The following MACF1 variants were observed in gnomAD, a reference collection of about 807,000 sequenced individuals.
The protein encoded by MACF1 is microtubule-actin cross-linking factor 1.
In MACF1, 193 loss-of-function variants were observed where a neutral mutation model predicts 854.8. The ratio of observed to expected loss-of-function variants is 0.23; its 90% confidence interval spans 0.20 to 0.25. The LOEUF (loss-of-function observed/expected upper bound fraction) is 0.25. Among genes scored for constraint, MACF1 ranks in the 10% least tolerant of loss-of-function variants. The pLI is 1.00. For synonymous variants in MACF1, 3,185 were observed against 3,226.7 expected, an observed-to-expected ratio of 0.99 and a Z score of 0.44; for missense variants, 7,722 against 8,929.1, an observed-to-expected ratio of 0.86 and a Z score of 5.45.
intron 23 of MACF1, 105 bp downstream of exon 23, chr1:39,303,183 A>C: frequency 7.5e-7 from 1 of 1,331,108 alleles, no homozygotes; most frequent in Non-Finnish European, 1.0e-6. Context: ...CACAGTGGTA[A>C]AGTTCCTCCT....
At chr1:39,224,344 T>C (rs1644688406) in intron 1 of MACF1, among the ~76,000 whole-genome samples, 1 of 152,002 alleles carries the variant, frequency 6.6e-6, no homozygotes, top group African/African-American at 2.4e-5. Flanking sequence ...ATGAGTAATG[T>C]TTAAGGGATG....
chr1:39,346,588 C>T (rs1203711203), intron 40 of MACF1, among the ~76,000 whole-genome samples: 2 of 149,130 alleles, frequency 1.3e-5, no homozygotes, highest in East Asian at 2.0e-4. Context: ...AGTGCAGTCT[C>T]GGCTCACCGC....
chr1:39,233,812 G>T (rs879559335), intron 2 of MACF1, among the ~76,000 whole-genome samples: 2,948 of 27,282 alleles, frequency 0.11, 166 homozygotes, highest in Non-Finnish European at 0.19. Context: ...ATTTTTTATT[G>T]ATAATTCTTG....
intron 47 of MACF1, among the ~76,000 whole-genome samples, chr1:39,360,012 A>T (rs11588692): frequency 9.4e-3 from 263 of 28,036 alleles, no homozygotes; most frequent in Non-Finnish European, 0.013. Context: ...AAAAAAAAAA[A>T]ATATATATAT....
chr1:39,127,977 A>C (rs886506152), intron 2 of MACF1, among the ~76,000 whole-genome samples: 6 of 152,234 alleles, frequency 3.9e-5, no homozygotes, highest in Admixed American at 3.3e-4. Flanking sequence ...AATTACAAAG[A>C]AAAAAGTAAA....
intron 63 of MACF1, 26 bp from the exon 64 acceptor site, chr1:39,429,216 G>A (rs1570042158): frequency 4.1e-6 from 5 of 1,206,962 alleles, no homozygotes; most frequent in Non-Finnish European, 4.9e-6. Context: ...CACAGTTTCA[G>A]GATTAATGGT....
intron 6 of MACF1, among the ~76,000 whole-genome samples, chr1:39,278,383 T>A (rs1282810562): frequency 6.6e-6 from 1 of 152,202 alleles, no homozygotes; most frequent in Non-Finnish European, 1.5e-5. Context: ...CCCTTAGGGA[T>A]CCAAACATCT....
chr1:39,411,235 G>A, intron 58 of MACF1: 2 of 1,613,902 alleles, frequency 1.2e-6, no homozygotes, highest in East Asian at 4.5e-5. Context: ...GTTTGAGGAG[G>A]ATGAGCGATG....
At chr1:39,092,986 A>T (rs1442936974) in intron 2 of MACF1, among the ~76,000 whole-genome samples, 1 of 152,022 alleles carries the variant, frequency 6.6e-6, no homozygotes, top group Non-Finnish European at 1.5e-5. Flanking sequence ...GGGTTTCACC[A>T]TCTTGGCCAG....
intron 58 of MACF1, chr1:39,413,849 C>A: frequency 6.2e-7 from 1 of 1,611,050 alleles, no homozygotes. Context: ...CTGGAGGAAC[C>A]CACTTCCCCG....
intron 54 of MACF1, 150 bp from the exon 55 acceptor site, chr1:39,380,094 G>A: frequency 1.6e-6 from 1 of 643,214 alleles, no homozygotes; most frequent in Non-Finnish European, 2.6e-6. Flanking sequence ...GAAGTAGAAG[G>A]GTTAAGTATC....
At chr1:39,149,025 A>C (rs575788008) in intron 2 of MACF1, among the ~76,000 whole-genome samples, 3 of 152,222 alleles carry the variant, frequency 2.0e-5, no homozygotes, top group Non-Finnish European at 4.4e-5. Context: ...CATGTGCAAC[A>C]TGAATTGGAT....
At chr1:39,232,746 GTT>G (rs10712180) in intron 2 of MACF1, among the ~76,000 whole-genome samples, 9,942 of 128,346 alleles carry the variant, frequency 0.077, 866 homozygotes, top group African/African-American at 0.23. Context: ...TACTCTCTTT[GTT>G]TTTTTTTTTT....
chr1:39,430,964 A>G (rs1441683051), intron 66 of MACF1, 56 bp downstream of exon 66: 2 of 1,460,636 alleles, frequency 1.4e-6, no homozygotes, highest in East Asian at 2.3e-5. Context: ...TGTGTGAGAT[A>G]CAGTACTATG....
chr1:39,286,460 G>GTT (rs756005195), intron 14 of MACF1, among the ~76,000 whole-genome samples: 1 of 146,006 alleles, frequency 6.8e-6, no homozygotes, highest in African/African-American at 2.5e-5. Flanking sequence ...CATGTGGCTA[G>GTT]TTTTTTTTTT....
Position 39,340,614 on chromosome 1 carries a change from C to T in MACF1, c.10328C>T (p.Ala3443Val), listed in dbSNP as rs1388207342. The change falls in exon 39 of 101, where the codon GCT (alanine) becomes GTT (valine). Residue 3443 changes from alanine to valine, a missense_variant. Ala to Val is a moderately conservative substitution (Grantham distance 64, BLOSUM62 0). Coordinates refer to ENST00000564288, the MANE Select transcript of MACF1 (RefSeq NM_001394062.1). ...GAAGTTCCTGCTCAACTGTTGAAGG[C>T]TCTAGAGAAAGATGCCAAGAATCTT... ...PQEVPAQLLK[A>V]LEKDAKNLQK... 1 of 1,614,036 alleles carries T rather than the reference C, an allele frequency of 6.2e-7. No homozygotes were observed. The highest frequency in any genetic ancestry group is 8.5e-7 in the Non-Finnish European group (1 of 1,180,018).
At chr1:39,204,198 C>G (rs977045801), upstream of MACF1, 4 of 152,236 alleles carry the variant, frequency 2.6e-5, no homozygotes, top group Non-Finnish European at 5.9e-5. Context: ...TGCTTCAACC[C>G]TAGAGGCGGA....
chr1:39,163,583 A>G (rs1410961840), intron 2 of MACF1, among the ~76,000 whole-genome samples: 1 of 152,130 alleles, frequency 6.6e-6, no homozygotes, highest in Non-Finnish European at 1.5e-5. Flanking sequence ...TAAGTGGAAA[A>G]AGTGACTACT....
chr1:39,418,236 G>A (rs1268898442), intron 58 of MACF1, among the ~76,000 whole-genome samples: 2 of 152,132 alleles, frequency 1.3e-5, no homozygotes, highest in East Asian at 1.9e-4. Flanking sequence ...TTAAGGAAGA[G>A]GTAAGGGAAA....
Sources: gnomAD v4.1 joint callset for allele counts (sites outside exome capture counted in the v4.1 genomes callset) on GRCh38, gnomAD v4.1.1 for gene constraint, MANE v1.5 for transcripts, NCBI Gene and HGNC (gene_info 2026-07-23, HGNC 2026-07-21) for gene names.